The following ADH4 variants were observed in gnomAD, a reference collection of about 807,000 sequenced individuals.
ADH4 encodes all-trans-retinol dehydrogenase [NAD(+)] ADH4.
In ADH4, 31 loss-of-function variants were observed where a neutral mutation model predicts 35.2. The observed-to-expected ratio is 0.88, with a 90% CI of 0.66 to 1.19. The LOEUF (loss-of-function observed/expected upper bound fraction) is 1.19. Ranked by LOEUF, ADH4 falls within the 50% of genes most tolerant of loss-of-function variation. The probability of loss-of-function intolerance (pLI) is 0.00; values close to 1 mark genes in which losing one functional copy is unlikely to be tolerated. For synonymous variants in ADH4, 171 were observed against 160.2 expected (o/e 1.07, Z -0.51); for missense variants, 476 against 458.3 (o/e 1.04, Z -0.35).
At chr4:99,138,758 G>A (rs1729522026) in intron 4 of ADH4, among the ~76,000 whole-genome samples, 1 of 152,110 alleles carries the variant, frequency 6.6e-6, no homozygotes, top group Non-Finnish European at 1.5e-5. Context: ...TGCAGCTCAA[G>A]TTTAGCCATT....
chr4:99,127,508 G>A (rs1246386236), intron 6 of ADH4, among the ~76,000 whole-genome samples, 164 bp from the exon 7 acceptor site: 1 of 152,146 alleles, frequency 6.6e-6, no homozygotes, highest in African/African-American at 2.4e-5. Flanking sequence ...TGAGCCTTGA[G>A]GGCCCAGTGT....
intron 6 of ADH4, among the ~76,000 whole-genome samples, chr4:99,130,255 A>G (rs1221275993): frequency 2.0e-5 from 3 of 152,208 alleles, no homozygotes; most frequent in African/African-American, 7.2e-5. Flanking sequence ...TTTCAAAATT[A>G]AATTCTAAAT....
At chr4:99,126,540 A>G in intron 8 of ADH4, 54 bp downstream of exon 8, 1 of 1,525,548 alleles carries the variant, frequency 6.6e-7, no homozygotes, top group Non-Finnish European at 8.9e-7. Context: ...CAAAAAGAAG[A>G]TAGAATCATT....
Position 99,127,218 on chromosome 4 carries a change from A to C in ADH4, c.970T>G (p.Phe324Val). 6.2e-7 allele frequency: 1 copy of C among 1,602,662 alleles called. No individual in the cohort carries two copies. The part of the protein sequence containing the change: ...LIIGRTINGT[F>V]FGGWKSVDSI... ...GAAAAAAAAAACTGACCACCAAAGAATGTTCCATTTATAGTACGGCCGATT... is the reference window on the plus strand; with the variant it reads ...GAAAAAAAAAACTGACCACCAAAGACTGTTCCATTTATAGTACGGCCGATT... The change falls in exon 7 of 9, where the codon TTC (phenylalanine) becomes GTC (valine). Residue 324 changes from phenylalanine (F) to valine (V), a missense_variant. Coordinates refer to ENST00000265512, the MANE Select transcript of ADH4 (RefSeq NM_000670.5).
Position 99,126,628 on chromosome 4 carries a change from T to C in ADH4, c.1084A>G (p.Ser362Gly). The C allele has an allele frequency of 6.2e-7, 1 of 1,609,316 alleles. No homozygotes were observed. Among genetic ancestry groups the C allele is most frequent in the East Asian group, 2.2e-5 (1 of 44,862 alleles). Residue 362 changes from serine (S) to glycine (G), a missense_variant, in exon 8 of 9, where the codon AGT (serine) becomes GGT (glycine). Coordinates refer to ENST00000265512, the MANE Select transcript of ADH4 (RefSeq NM_000670.5). Reference protein sequence around the residue: ...VTHTLPFDKISEAFDLMNQGK... With the variant: ...VTHTLPFDKIGEAFDLMNQGK... Reference sequence around the variant, plus strand: ...TGGTTCATTAGGTCAAATGCCTCACTGATTTTGTCAAAAGGCAGGGTATGG... The same window carrying C: ...TGGTTCATTAGGTCAAATGCCTCACCGATTTTGTCAAAAGGCAGGGTATGG...
intron 8 of ADH4, among the ~76,000 whole-genome samples, chr4:99,126,027 G>A (rs1342265564): frequency 1.3e-5 from 2 of 152,086 alleles, no homozygotes; most frequent in Non-Finnish European, 2.9e-5. Flanking sequence ...AATCTTCCAG[G>A]TGGAACATTT....
chr4:99,142,541 G>T (rs1221051155), intron 2 of ADH4, 138 bp downstream of exon 2: 1 of 429,318 alleles, frequency 2.3e-6, no homozygotes, highest in African/African-American at 2.0e-5. Flanking sequence ...GCCTGTTTTT[G>T]ACTGAATCTA....
chr4:99,131,584 G>C lies in ADH4; in HGVS notation c.763C>G (p.Pro255Ala). ...DCLNPRDLHK[P>A]IQEVIIELTK... The stretch of plus-strand genomic sequence containing the variant: ...AATTCAATGATAACTTCCTGGATCG[G>C]TTTATGTAAGTCTCTAGGATTGAGG... Residue 255 changes from proline to alanine, a missense_variant, in exon 6 of 9, where the codon CCG becomes GCG. Pro to Ala is a conservative substitution (Grantham distance 27). Coordinates refer to ENST00000265512, the MANE Select transcript of ADH4 (RefSeq NM_000670.5). 1.2e-6 allele frequency: 2 copies of C among 1,614,086 alleles called. No homozygotes were observed. Among genetic ancestry groups the C allele is most frequent in the Non-Finnish European group, 1.7e-6 (2 of 1,179,994 alleles).
At chr4:99,125,673 T>C (rs1729064723) in intron 8 of ADH4, among the ~76,000 whole-genome samples, 2 of 152,332 alleles carry the variant, frequency 1.3e-5, no homozygotes, top group Admixed American at 1.3e-4. Flanking sequence ...TTCCTTCTGA[T>C]ATGTTGTGAC....
chr4:99,131,721 A>C lies in ADH4; in HGVS notation c.626T>G (p.Val209Gly). The part of the protein sequence containing the change: ...STCAVFGLGG[V>G]GLSAVMGCKA... Reference sequence around the variant, plus strand: ...ACAACCCATTACAGCAGAAAGACCCACACCTCCTAGGCCAAAGACAGCACA... The same window carrying C: ...ACAACCCATTACAGCAGAAAGACCCCCACCTCCTAGGCCAAAGACAGCACA... The change falls in exon 6 of 9, where the codon GTG becomes GGG. Residue 209 changes from valine to glycine, a missense_variant. Physicochemically the swap from Val to Gly is moderately radical, Grantham distance 109. Coordinates refer to ENST00000265512, the MANE Select transcript of ADH4 (RefSeq NM_000670.5). The C allele has an allele frequency of 1.2e-6, 2 of 1,614,170 alleles. No individual in the cohort carries two copies. Among genetic ancestry groups the C allele is most frequent in the Non-Finnish European group, 1.7e-6 (2 of 1,180,010 alleles).
Position 99,137,551 on chromosome 4 carries a change from C to T in ADH4, c.351-854G>A, listed in dbSNP as rs904882249. The stretch of plus-strand genomic sequence containing the variant: ...TGCTGGGATTACAGGCATGACCCAC[C>T]GCACCCGGCCAGGGAACAAACTTTC... On this transcript the variant is annotated intron_variant, in intron 4 of 8. Coordinates refer to ENST00000265512, the MANE Select transcript of ADH4 (RefSeq NM_000670.5). Among the ~76,000 whole-genome samples, 5 of 152,174 alleles carry T rather than the reference C, an allele frequency of 3.3e-5. 1 individual carries two copies. Among genetic ancestry groups the T allele is most frequent in the Non-Finnish European group, 7.3e-5 (5 of 68,028 alleles).
In ADH4 at chr4:99,124,227, C is replaced by T. The variant is rs1729004426; in HGVS notation, c.*215G>A. Reference sequence around the variant, plus strand: ...TTTCTAAAGATGATATGATTCTATTCATAAACACTAGTTATTATTATTATT... The same window carrying T: ...TTTCTAAAGATGATATGATTCTATTTATAAACACTAGTTATTATTATTATT... On this transcript the variant is annotated 3_prime_UTR_variant, in exon 9 of 9. Coordinates refer to ENST00000265512, the MANE Select transcript of ADH4 (RefSeq NM_000670.5). The T allele has an allele frequency of 2.3e-6, 1 of 443,558 alleles. No individual in the cohort carries two copies. The highest frequency in any genetic ancestry group is 2.1e-5 in the African/African-American group (1 of 47,812). The allele number at this position is 443,558 out of a possible 1,614,324, so 27.5% of individuals were successfully genotyped here.
intron 5 of ADH4, among the ~76,000 whole-genome samples, chr4:99,134,268 T>C (rs1351280254): frequency 6.6e-6 from 1 of 152,138 alleles, no homozygotes; most frequent in African/African-American, 2.4e-5. Flanking sequence ...AATAATAATG[T>C]ATTGTATATC....
chr4:99,141,379 C>T (rs773316922), intron 3 of ADH4, among the ~76,000 whole-genome samples, 162 bp downstream of exon 3: 2 of 152,140 alleles, frequency 1.3e-5, no homozygotes, highest in Non-Finnish European at 2.9e-5. Context: ...ATATTCTGTC[C>T]TATTGCTAGA....
chr4:99,136,505 C>T lies in ADH4; in HGVS notation c.543G>A (p.Gly181=), dbSNP rs1004065623. Residue 181 remains glycine, a synonymous_variant, in exon 5 of 9, where the codon GGG becomes GGA. Transcript: ENST00000265512. Reference sequence around the variant, plus strand: ...TTGCAGCCCCATAGCCAGTTGAAAACCCACATCCAAGCAGACAAACTCTCT... The same window carrying T: ...TTGCAGCCCCATAGCCAGTTGAAAATCCACATCCAAGCAGACAAACTCTCT... ...NLERVCLLGC[G]FSTGYGAAIN... 1.9e-6 allele frequency: 3 copies of T among 1,613,912 alleles called. No homozygotes were observed. The African/African-American group carries it at 4.0e-5, about 22-fold the overall frequency.
intron 6 of ADH4, among the ~76,000 whole-genome samples, chr4:99,129,391 G>T (rs1719390325): frequency 6.6e-6 from 1 of 152,084 alleles, no homozygotes; most frequent in African/African-American, 2.4e-5. Context: ...GTTTCATGAA[G>T]AGGAATTTAT....
At chr4:99,131,114 A>C (rs1353349754) in intron 6 of ADH4, among the ~76,000 whole-genome samples, 1 of 152,076 alleles carries the variant, frequency 6.6e-6, no homozygotes, top group Non-Finnish European at 1.5e-5. Flanking sequence ...AAATGAAAAA[A>C]CCCCTAAAAT....
intron 5 of ADH4, among the ~76,000 whole-genome samples, chr4:99,135,402 A>T (rs1729405058): frequency 6.6e-6 from 1 of 152,138 alleles, no homozygotes; most frequent in African/African-American, 2.4e-5. Context: ...GCATTTTAGC[A>T]TGGGCAACAG....
At chr4:99,125,396 T>C (rs988407497) in intron 8 of ADH4, among the ~76,000 whole-genome samples, 1 of 152,188 alleles carries the variant, frequency 6.6e-6, no homozygotes, top group Non-Finnish European at 1.5e-5. Flanking sequence ...GACTTGCCCA[T>C]AAAGCAATGC....
Sources: gnomAD v4.1 joint callset for allele counts (sites outside exome capture counted in the v4.1 genomes callset) on GRCh38, gnomAD v4.1.1 for gene constraint, MANE v1.5 for transcripts, NCBI Gene and HGNC (gene_info 2026-07-23, HGNC 2026-07-21) for gene names.